The following PSAP variants were observed in gnomAD, a reference collection of about 807,000 sequenced individuals.
PSAP encodes the protein precursor of saposins.
A neutral mutation model predicts 66.0 loss-of-function variants in PSAP; 25 were observed. The ratio of observed to expected loss-of-function variants is 0.38; its 90% CI spans 0.28 to 0.53. PSAP has a LOEUF of 0.53. PSAP is among the 20% of genes least tolerant of loss of function. The probability of loss-of-function intolerance (pLI) is 0.83; values close to 1 mark genes in which losing one functional copy is unlikely to be tolerated. For synonymous variants in PSAP, 273 were observed against 258.9 expected (o/e 1.05, Z -0.52); for missense variants, 649 against 668.8 (o/e 0.97, Z 0.33).
chr10:71,819,905 AAC>A lies in PSAP; in HGVS notation c.1006-7_1006-6del, dbSNP rs1238736249. 1.1e-5 allele frequency: 17 copies of A among 1,613,242 alleles called. No homozygotes were observed. Among genetic ancestry groups the A allele is most frequent in the Non-Finnish European group, 1.4e-5 (16 of 1,179,520 alleles). On this transcript the variant is annotated splice_polypyrimidine_tract_variant and splice_region_variant and intron_variant, in intron 9 of 13. Coordinates refer to ENST00000394936, the MANE Select transcript of PSAP (RefSeq NM_002778.4). ...AAAAGCGTCGAGTATTTCTTTCTGAAACACACGAGAGGATCGTGTGAGAAGAC... is the reference window on the plus strand; with the variant it reads ...AAAAGCGTCGAGTATTTCTTTCTGAAACACGAGAGGATCGTGTGAGAAGAC...
At chr10:71,844,986 CATA>C (rs1257508814) in intron 1 of PSAP, among the ~76,000 whole-genome samples, 25 of 152,284 alleles carry the variant, frequency 1.6e-4, no homozygotes, top group Admixed American at 1.6e-3. Flanking sequence ...ACCACATTCA[CATA>C]ATTTTTATTA....
chr10:71,818,756 G>A, intron 12 of PSAP, 32 bp from the exon 13 acceptor site: 3 of 1,561,510 alleles, frequency 1.9e-6, no homozygotes, highest in East Asian at 2.2e-5. Context: ...GAAGAAAGGG[G>A]GAGAATGAGA....
intron 1 of PSAP, among the ~76,000 whole-genome samples, chr10:71,837,466 T>C (rs1209688489): frequency 1.3e-5 from 2 of 152,220 alleles, no homozygotes; most frequent in Non-Finnish European, 2.9e-5. Context: ...ACATTTCTCC[T>C]AGCACTTGAG....
At chr10:71,823,275 A>G (rs1842340881) in intron 7 of PSAP, among the ~76,000 whole-genome samples, 1 of 152,168 alleles carries the variant, frequency 6.6e-6, no homozygotes, top group Non-Finnish European at 1.5e-5. Flanking sequence ...TGGTTCTTGT[A>G]GCATGCCATC....
chr10:71,849,455 G>C (rs1589462656), intron 1 of PSAP, among the ~76,000 whole-genome samples: 2 of 152,178 alleles, frequency 1.3e-5, no homozygotes, highest in African/African-American at 4.8e-5. Flanking sequence ...TGTGGTGGGG[G>C]CTGGGTGCGG....
chr10:71,828,575 G>A (rs1357250900), intron 5 of PSAP, among the ~76,000 whole-genome samples: 3 of 152,168 alleles, frequency 2.0e-5, no homozygotes, highest in East Asian at 1.9e-4. Context: ...AGCCTCAGAG[G>A]TTGAGGCTGC....
At chr10:71,823,094 C>A (rs956642828) in intron 7 of PSAP, among the ~76,000 whole-genome samples, 1 of 151,914 alleles carries the variant, frequency 6.6e-6, no homozygotes, top group Non-Finnish European at 1.5e-5. Flanking sequence ...TTGAGGAGGC[C>A]TAGGTAAAAA....
At chr10:71,842,618 C>G (rs187036473) in intron 1 of PSAP, among the ~76,000 whole-genome samples, 4 of 152,222 alleles carry the variant, frequency 2.6e-5, no homozygotes, top group Admixed American at 2.6e-4. Flanking sequence ...GGGATAATTT[C>G]CTCAACTTAT....
chr10:71,819,604 T>C lies in PSAP; in HGVS notation c.1211A>G (p.Lys404Arg). The C allele has an allele frequency of 6.2e-7, 1 of 1,614,176 alleles. No individual in the cohort carries two copies. The highest frequency in any genetic ancestry group is 8.5e-7 in the Non-Finnish European group (1 of 1,180,036). ...PALTVHVTQP[K>R]DGGFCEVCKK... The stretch of plus-strand genomic sequence containing the variant: ...GCACACTTCGCAGAAGCCACCGTCC[T>C]TTGGCTGAGTCACGTGAACTACATA... Residue 404 changes from lysine (K) to arginine (R), a missense_variant, in exon 11 of 14, where the codon AAG becomes AGG. Lys to Arg is a conservative substitution (Grantham distance 26, BLOSUM62 2). Coordinates refer to ENST00000394936, the MANE Select transcript of PSAP (RefSeq NM_002778.4).
chr10:71,830,730 A>G (rs912437247), intron 4 of PSAP, among the ~76,000 whole-genome samples: 2 of 152,206 alleles, frequency 1.3e-5, no homozygotes, highest in African/African-American at 2.4e-5. Flanking sequence ...TACTTGATGA[A>G]TGAAAGACCC....
At chr10:71,820,146 G>A in intron 9 of PSAP, 94 bp downstream of exon 9, 1 of 1,184,174 alleles carries the variant, frequency 8.4e-7, no homozygotes, top group Non-Finnish European at 1.3e-6. Flanking sequence ...TGTCAAGGCT[G>A]GGCCAAGCCC....
intron 1 of PSAP, among the ~76,000 whole-genome samples, chr10:71,837,981 A>C (rs1421526934): frequency 6.6e-6 from 1 of 152,206 alleles, no homozygotes; most frequent in Non-Finnish European, 1.5e-5. Context: ...CACACACCCT[A>C]AGGTGAGGGC....
chr10:71,825,655 G>A (rs566697618), intron 7 of PSAP, 182 bp downstream of exon 7: 29 of 700,436 alleles, frequency 4.1e-5, no homozygotes, highest in East Asian at 3.3e-4. Flanking sequence ...TGCCTCTCCC[G>A]TAACAGGGGA....
rs758565002 is a variant in PSAP, at chr10:71,834,460, G to A, written c.86C>T (p.Ser29Leu). The A allele has an allele frequency of 8.1e-6, 13 of 1,613,988 alleles. No individual in the cohort carries two copies. The highest frequency in any genetic ancestry group is 1.7e-5 in the Admixed American group (1 of 60,008). ...VLGLKECTRG[S>L]AVWCQNVKTA... is the part of the protein sequence containing the mutation. Reference sequence around the variant, plus strand: ...CTTCACATTCTGGCACCACACTGCCGAGCCCCTGGTGCATTCTTTCAGTCC... The same window carrying A: ...CTTCACATTCTGGCACCACACTGCCAAGCCCCTGGTGCATTCTTTCAGTCC... Residue 29 changes from serine to leucine, a missense_variant, in exon 2 of 14, where the codon TCG (serine) becomes TTG (leucine). Physicochemically the swap from Ser to Leu is moderately radical, Grantham distance 145. Coordinates refer to ENST00000394936, the MANE Select transcript of PSAP (RefSeq NM_002778.4).
intron 2 of PSAP, 133 bp downstream of exon 2, chr10:71,834,239 C>A: frequency 7.0e-7 from 1 of 1,430,382 alleles, no homozygotes; most frequent in Non-Finnish European, 9.6e-7. Flanking sequence ...CTGCCTCCCA[C>A]ACAGAGTCAC....
At chr10:71,829,252 G>A (rs568175524) in intron 4 of PSAP, among the ~76,000 whole-genome samples, 175 bp from the exon 5 acceptor site, 57 of 152,200 alleles carry the variant, frequency 3.7e-4, no homozygotes, top group Non-Finnish European at 5.9e-4. Context: ...CCCAATCCGA[G>A]TGCCTAACCA....
chr10:71,835,639 A>T (rs905871006), intron 1 of PSAP, among the ~76,000 whole-genome samples: 1 of 152,100 alleles, frequency 6.6e-6, no homozygotes, highest in South Asian at 2.1e-4. Flanking sequence ...AGAACCAAAA[A>T]AATGGGGAAA....
Position 71,828,047 on chromosome 10 carries a change from C to T in PSAP, c.687G>A (p.Glu229=), listed in dbSNP as rs752555251. 7 of 1,614,192 alleles carry T rather than the reference C, an allele frequency of 4.3e-6. No individual in the cohort carries two copies. Among genetic ancestry groups the T allele is most frequent in the Non-Finnish European group, 5.9e-6 (7 of 1,180,040 alleles). Residue 229 remains glutamate, a synonymous_variant, in exon 6 of 14, where the codon GAG becomes GAA. Transcript: ENST00000394936. ...VQALVEHVKE[E]CDRLGPGMAD... ...CCATGCCAGGGCCCAGGCGGTCACA[C>T]TCCTCCTTGACATGTTCCACCAAGG...
chr10:71,829,415 G>A, intron 4 of PSAP, among the ~76,000 whole-genome samples: 1 of 152,062 alleles, frequency 6.6e-6, no homozygotes, highest in East Asian at 1.9e-4. Flanking sequence ...ACGGGGGCGG[G>A]TTTTCCCATG....
Sources: allele counts gnomAD v4.1 joint callset (sites outside exome capture counted in the v4.1 genomes callset), GRCh38; gene constraint gnomAD v4.1.1; transcripts MANE v1.5; gene names NCBI Gene and HGNC (gene_info 2026-07-23, HGNC 2026-07-21).